Variants in C12orf42 observed in about 807,000 individuals in gnomAD.
The protein encoded by C12orf42 is uncharacterized protein C12orf42.
Under a neutral mutation model 21.6 loss-of-function variants are expected in C12orf42, and 25 were observed. That is an observed-to-expected ratio of 1.16 (90% confidence interval 0.84 to 1.62). The LOEUF (loss-of-function observed/expected upper bound fraction) is 1.62, where lower values mean the gene tolerates loss of function less well. C12orf42 is among the 40% of genes most tolerant of loss of function. The probability of loss-of-function intolerance (pLI) is 0.00; values close to 1 mark genes in which losing one functional copy is unlikely to be tolerated. For missense variants in C12orf42, 483 were observed against 459.3 expected (o/e 1.05, Z -0.47); for synonymous variants, 174 against 175.0 (o/e 0.99, Z 0.05).
intron 2 of C12orf42, among the ~76,000 whole-genome samples, chr12:103,420,813 C>G (rs1188244610): frequency 1.3e-5 from 2 of 152,164 alleles, no homozygotes; most frequent in Non-Finnish European, 2.9e-5. Flanking sequence ...GTCACCGCGC[C>G]CAGCCTGCAT....
chr12:103,217,828 C>T, the C12orf42 span, among the ~76,000 whole-genome samples: 12 of 152,164 alleles, frequency 7.9e-5, no homozygotes, highest in African/African-American at 2.7e-4. Context: ...TCCCATGCTG[C>T]ATCAATCTGT....
chr12:103,231,128 T>G, the C12orf42 span, among the ~76,000 whole-genome samples: 1 of 152,220 alleles, frequency 6.6e-6, no homozygotes, highest in South Asian at 2.1e-4. Context: ...TGGTCTGACA[T>G]ATAATGTTTT....
intron 2 of C12orf42, among the ~76,000 whole-genome samples, chr12:103,411,620 G>A (rs1489688213): frequency 6.6e-6 from 1 of 152,116 alleles, no homozygotes; most frequent in Non-Finnish European, 1.5e-5. Flanking sequence ...TGAAAAAGAA[G>A]CCAGGGGAGC....
chr12:103,435,253 A>C (rs1950600940), intron 2 of C12orf42, among the ~76,000 whole-genome samples: 1 of 152,182 alleles, frequency 6.6e-6, no homozygotes. Flanking sequence ...CCATCTGTAC[A>C]TCACCATCAT....
chr12:103,407,232 A>G (rs1291524286), intron 2 of C12orf42, among the ~76,000 whole-genome samples: 1 of 152,192 alleles, frequency 6.6e-6, no homozygotes, highest in Non-Finnish European at 1.5e-5. Flanking sequence ...GATTAAAAAA[A>G]GAGACTGGCA....
At chr12:103,132,841 C>T in the C12orf42 span, among the ~76,000 whole-genome samples, 4 of 152,180 alleles carry the variant, frequency 2.6e-5, no homozygotes, top group Admixed American at 6.5e-5. Flanking sequence ...ACACATTCCC[C>T]GAAACGTCTG....
chr12:103,544,357 G>A, the C12orf42 span, among the ~76,000 whole-genome samples: 1 of 152,100 alleles, frequency 6.6e-6, no homozygotes, highest in Admixed American at 6.6e-5. Flanking sequence ...TTTCATCATT[G>A]CTATCCAGAA....
intron 4 of C12orf42, among the ~76,000 whole-genome samples, chr12:103,286,017 G>C (rs1473060554): frequency 6.6e-6 from 1 of 152,140 alleles, no homozygotes; most frequent in African/African-American, 2.4e-5. Flanking sequence ...GGGGTGCCAA[G>C]GCAGGCGGAT....
At chr12:103,329,984 C>T (rs2041093800) in intron 4 of C12orf42, among the ~76,000 whole-genome samples, 1 of 151,858 alleles carries the variant, frequency 6.6e-6, no homozygotes, top group African/African-American at 2.4e-5. Flanking sequence ...TAGACATTTC[C>T]CATGCCAATA....
chr12:103,441,206 A>G (rs1372038298), intron 2 of C12orf42, among the ~76,000 whole-genome samples: 1 of 152,124 alleles, frequency 6.6e-6, no homozygotes, highest in Non-Finnish European at 1.5e-5. Flanking sequence ...AGCATATTAG[A>G]AAGTTTATTT....
chr12:103,306,037 T>A lies in C12orf42; in HGVS notation c.568A>T (p.Ile190Leu), dbSNP rs1390323867. The A allele has an allele frequency of 6.2e-7, 1 of 1,614,024 alleles. No individual in the cohort carries two copies. Among genetic ancestry groups the A allele is most frequent in the Admixed American group, 1.7e-5 (1 of 60,026 alleles). Residue 190 changes from isoleucine to leucine, a missense_variant, in exon 5 of 6, where the codon ATA becomes TTA. Ile to Leu is a conservative substitution (Grantham distance 5, BLOSUM62 2). Transcript: ENST00000548883. ...VNPVHLEAQG[I>L]HISRHTRPKG... ...GGTCTTGTGTGTCTACTGATGTGTA[T>A]GCCCTGAGCCTCCAGGTGAACAGGA...
intron 4 of C12orf42, among the ~76,000 whole-genome samples, chr12:103,336,302 G>A (rs768328962): frequency 6.6e-6 from 1 of 152,122 alleles, no homozygotes. Flanking sequence ...GAAGATATAG[G>A]CTTCATTTTT....
At chr12:103,457,570 G>T (rs936277763) in intron 2 of C12orf42, among the ~76,000 whole-genome samples, 2 of 151,992 alleles carry the variant, frequency 1.3e-5, no homozygotes, top group Non-Finnish European at 2.9e-5. Context: ...AGCTGAATGG[G>T]GATCTACATG....
chr12:103,520,050 A>G, the C12orf42 span, among the ~76,000 whole-genome samples: 1 of 152,202 alleles, frequency 6.6e-6, no homozygotes, highest in African/African-American at 2.4e-5. Context: ...CATTCCTCAA[A>G]GTGACAAAGA....
At chr12:103,314,141 G>A (rs1043378071) in intron 4 of C12orf42, among the ~76,000 whole-genome samples, 3 of 152,150 alleles carry the variant, frequency 2.0e-5, no homozygotes, top group African/African-American at 7.2e-5. Flanking sequence ...AGACAGATGT[G>A]TTTTCAGAAC....
intron 4 of C12orf42, among the ~76,000 whole-genome samples, chr12:103,294,486 CAAGAAAGA>C (rs371588620): frequency 7.4e-5 from 7 of 94,718 alleles, no homozygotes; most frequent in African/African-American, 1.5e-4. Context: ...AGCAAGCAAG[CAAGAAAGA>C]AAGAAAGAAA....
the C12orf42 span, among the ~76,000 whole-genome samples, chr12:103,154,025 CAAAAAAAAAAAA>C: frequency 1.9e-5 from 1 of 51,668 alleles, no homozygotes; most frequent in African/African-American, 6.5e-5. Context: ...CAAATCTCAG[CAAAAAAAAAAAA>C]AAAAAAAAAA....
chr12:103,277,192 G>T (rs532417917), exon 5 of C12orf42: 1 of 454,428 alleles, frequency 2.2e-6, no homozygotes, highest in East Asian at 7.0e-5. Context: ...TTTCTGTGTG[G>T]CCTGTCCATG....
At position 103,256,109 on chromosome 12, in the gene C12orf42, TATACAC is replaced by T. The variant is rs1443958688; in HGVS notation, c.*1366+7211_*1366+7216del. Among the ~76,000 whole-genome samples, 320 of 43,810 alleles carry T rather than the reference TATACAC, an allele frequency of 7.3e-3. 2 individuals are homozygous for T. The highest frequency in any genetic ancestry group is 0.039 in the East Asian group (50 of 1,266). The allele number at this position is 43,810 out of a possible 152,430, so 28.7% of individuals were successfully genotyped here. A position where few individuals can be genotyped will look rare whatever the true frequency, so the allele number is the denominator to read the frequency against. On this transcript the variant is annotated intron_variant and NMD_transcript_variant, in intron 10 of 10. Transcript: ENST00000547347. The stretch of plus-strand genomic sequence containing the variant: ...AAATATATATATATATATATATATA[TATACAC>T]ACACACACACACACACACACACACA...
Sources: allele counts gnomAD v4.1 joint callset (sites outside exome capture counted in the v4.1 genomes callset), GRCh38; gene constraint gnomAD v4.1.1; transcripts MANE v1.5; gene names NCBI Gene and HGNC (gene_info 2026-07-23, HGNC 2026-07-21).